Variants in KLHL3 observed in about 807,000 individuals in gnomAD.
KLHL3 encodes kelch like family member 3.
A neutral mutation model predicts 70.5 loss-of-function variants in KLHL3; 19 were observed. The ratio of observed to expected loss-of-function variants is 0.27; its 90% confidence interval spans 0.19 to 0.40. The LOEUF (loss-of-function observed/expected upper bound fraction) is 0.40. KLHL3 is among the 10% of genes least tolerant of loss of function. KLHL3 has a pLI of 1.00. For synonymous variants in KLHL3, 258 were observed against 290.3 expected (o/e 0.89, Z 1.13); for missense variants, 512 against 771.1 (o/e 0.66, Z 3.98).
chr5:137,729,585 A>G (rs947703204), intron 1 of KLHL3, among the ~76,000 whole-genome samples: 1 of 152,144 alleles, frequency 6.6e-6, no homozygotes, highest in Non-Finnish European at 1.5e-5. Flanking sequence ...ATATCTTGCC[A>G]GTAATATTTT....
chr5:137,628,064 A>G, intron 13 of KLHL3: 1 of 544,168 alleles, frequency 1.8e-6, no homozygotes, highest in Non-Finnish European at 3.3e-6. Context: ...ATCACCCTTC[A>G]CTGCGGGGAA....
intron 8 of KLHL3, among the ~76,000 whole-genome samples, chr5:137,642,364 T>C (rs565642313): frequency 2.6e-5 from 4 of 152,230 alleles, no homozygotes; most frequent in Admixed American, 2.0e-4. Flanking sequence ...TCAGTTTAAA[T>C]GTTATTTCCT....
At chr5:137,623,944 T>C (rs1421225310) in intron 14 of KLHL3, among the ~76,000 whole-genome samples, 2 of 152,150 alleles carry the variant, frequency 1.3e-5, no homozygotes, top group Non-Finnish European at 2.9e-5. Flanking sequence ...CAACCCCCAC[T>C]CCCACTACCA....
intron 5 of KLHL3, among the ~76,000 whole-genome samples, chr5:137,681,275 C>T (rs557199466): frequency 2.6e-5 from 4 of 152,074 alleles, no homozygotes; most frequent in Non-Finnish European, 2.9e-5. Context: ...TAACTCTTAA[C>T]GTATGATGTA....
chr5:137,633,910 C>T, intron 12 of KLHL3, 127 bp downstream of exon 12: 2 of 1,240,050 alleles, frequency 1.6e-6, no homozygotes, highest in Non-Finnish European at 2.3e-6. Flanking sequence ...CAAACTCGAC[C>T]ATTATGCAAT....
intron 5 of KLHL3, among the ~76,000 whole-genome samples, chr5:137,678,331 C>T (rs1276910690): frequency 1.3e-5 from 2 of 152,138 alleles, no homozygotes; most frequent in African/African-American, 4.8e-5. Flanking sequence ...AAGATAAAAC[C>T]CACAGGCCTA....
intron 8 of KLHL3, among the ~76,000 whole-genome samples, chr5:137,646,621 A>G (rs1165672650): frequency 6.6e-6 from 1 of 152,212 alleles, no homozygotes; most frequent in Non-Finnish European, 1.5e-5. Flanking sequence ...ATGTTAGAGG[A>G]AGAGACTTGA....
At chr5:137,706,265 A>G in intron 3 of KLHL3, 2 of 985,476 alleles carry the variant, frequency 2.0e-6, no homozygotes, top group Non-Finnish European at 1.2e-6. Context: ...ACACACTGAT[A>G]GAAATGGATC....
At chr5:137,714,690 G>A (rs578079647) in intron 2 of KLHL3, among the ~76,000 whole-genome samples, 1 of 152,250 alleles carries the variant, frequency 6.6e-6, no homozygotes, top group South Asian at 2.1e-4. Context: ...TTCTATTTAG[G>A]GTGATGAAAA....
chr5:137,725,777 TTGC>T (rs1580789071), intron 1 of KLHL3, among the ~76,000 whole-genome samples: 1 of 152,202 alleles, frequency 6.6e-6, no homozygotes, highest in South Asian at 2.1e-4. Flanking sequence ...ACTAGTAAAC[TTGC>T]TTATATGAAC....
At chr5:137,704,518 C>A (rs113025272) in intron 3 of KLHL3, among the ~76,000 whole-genome samples, 1,706 of 152,348 alleles carry the variant, frequency 0.011, 31 homozygotes, top group African/African-American at 0.039. Flanking sequence ...GAGGCCCCCA[C>A]ATCACCAACT....
At chr5:137,686,820 C>A (rs1027222344) in intron 5 of KLHL3, among the ~76,000 whole-genome samples, 8 of 152,230 alleles carry the variant, frequency 5.3e-5, no homozygotes, top group African/African-American at 1.9e-4. Flanking sequence ...ACCTTCATTC[C>A]CTTCTTCTAA....
chr5:137,664,757 G>A (rs893530234), intron 6 of KLHL3, among the ~76,000 whole-genome samples: 18 of 152,038 alleles, frequency 1.2e-4, no homozygotes, highest in Non-Finnish European at 1.0e-4. Flanking sequence ...GGTGGAAGCT[G>A]CAGTGAGCTG....
At chr5:137,725,178 C>T (rs1366104592) in intron 1 of KLHL3, 4 of 352,682 alleles carry the variant, frequency 1.1e-5, no homozygotes, top group Admixed American at 6.5e-5. Context: ...CCCCTCTCCT[C>T]GCCTGTGAAA....
chr5:137,734,745 G>A (rs1753234042), intron 1 of KLHL3, among the ~76,000 whole-genome samples: 1 of 152,112 alleles, frequency 6.6e-6, no homozygotes, highest in Non-Finnish European at 1.5e-5. Context: ...GGCAAGCCTC[G>A]TACTCTACCA....
intron 3 of KLHL3, among the ~76,000 whole-genome samples, chr5:137,702,997 T>C (rs979526173): frequency 6.6e-6 from 1 of 151,900 alleles, no homozygotes; most frequent in Non-Finnish European, 1.5e-5. Context: ...GAAAGGAAAA[T>C]CTTTCATTAT....
At chr5:137,725,972 T>C (rs530824789) in intron 1 of KLHL3, among the ~76,000 whole-genome samples, 56 of 152,332 alleles carry the variant, frequency 3.7e-4, no homozygotes, top group Non-Finnish European at 6.5e-4. Flanking sequence ...GGCCCTTCTT[T>C]TCTGGGCTTT....
In KLHL3 at chr5:137,679,088, T is replaced by C. The variant is rs986811291; in HGVS notation, c.527-1434A>G. 1.5e-4 allele frequency among the ~76,000 whole-genome samples: 23 copies of C among 151,390 alleles called. 1 individual carries two copies. The highest frequency in any genetic ancestry group is 5.6e-4 in the African/African-American group (23 of 41,328). ...AACTATGGAAATATTTAAGACTAGA[T>C]AGTACTATTTTTTAAGTGTTCATTG... is the stretch of plus-strand genomic sequence containing the variant. On this transcript the variant is annotated intron_variant, in intron 5 of 14. Coordinates refer to ENST00000309755, the MANE Select transcript of KLHL3 (RefSeq NM_017415.3).
chr5:137,625,107 G>C (rs751814551), intron 14 of KLHL3, among the ~76,000 whole-genome samples: 45 of 55,582 alleles, frequency 8.1e-4, no homozygotes, highest in East Asian at 2.1e-3. Flanking sequence ...TCAGCCCAAG[G>C]GTTGTTGAAA....
Sources: allele counts gnomAD v4.1 joint callset (sites outside exome capture counted in the v4.1 genomes callset), GRCh38; gene constraint gnomAD v4.1.1; transcripts MANE v1.5; gene names NCBI Gene and HGNC (gene_info 2026-07-23, HGNC 2026-07-21).